The following GRID2 variants were observed in gnomAD, a reference collection of about 807,000 sequenced individuals.
GRID2 encodes the protein glutamate receptor ionotropic, delta-2.
Under a neutral mutation model 114.8 loss-of-function variants are expected in GRID2, and 33 were observed. That is an observed-to-expected ratio of 0.29 (90% CI 0.22 to 0.38). The LOEUF is 0.38. Ranked by LOEUF, GRID2 falls within the 10% of genes least tolerant of loss-of-function variation. The pLI is 1.00. For synonymous variants in GRID2, 505 were observed against 449.9 expected (o/e 1.12, Z -1.55); for missense variants, 1,184 against 1,257.7 (o/e 0.94, Z 0.89).
At chr4:92,608,269 A>G (rs1400600444) in intron 2 of GRID2, among the ~76,000 whole-genome samples, 1 of 151,848 alleles carries the variant, frequency 6.6e-6, no homozygotes, top group Non-Finnish European at 1.5e-5. Context: ...GGAAAGACTC[A>G]TGATTCAGCA....
At chr4:92,524,724 C>A (rs1256024234) in intron 1 of GRID2, among the ~76,000 whole-genome samples, 1 of 151,890 alleles carries the variant, frequency 6.6e-6, no homozygotes. Flanking sequence ...AGTCAGGTGA[C>A]AACAGGGGCT....
chr4:92,472,152 C>A (rs1414592526), intron 1 of GRID2, among the ~76,000 whole-genome samples: 1 of 63,170 alleles, frequency 1.6e-5, no homozygotes, highest in Admixed American at 1.2e-4. Context: ...CCGGGATGGT[C>A]TCGATCTCCT....
At chr4:93,583,963 T>A (rs549355117) in intron 13 of GRID2, among the ~76,000 whole-genome samples, 3 of 152,292 alleles carry the variant, frequency 2.0e-5, no homozygotes, top group Non-Finnish European at 2.9e-5. Flanking sequence ...CTATTGGATT[T>A]GGGAACCACA....
intron 1 of GRID2, among the ~76,000 whole-genome samples, chr4:92,572,793 T>TGTCAGATTTTG (rs1261502056): frequency 6.6e-6 from 1 of 152,090 alleles, no homozygotes; most frequent in Non-Finnish European, 1.5e-5. Context: ...CTTTTTTTCT[T>TGTCAGATTTTG]GTATCTGTCA....
intron 1 of GRID2, among the ~76,000 whole-genome samples, chr4:92,529,790 A>G (rs1725239133): frequency 6.6e-6 from 1 of 152,168 alleles, no homozygotes; most frequent in African/African-American, 2.4e-5. Context: ...GATGAATTGC[A>G]AGTAAAAGCT....
At position 93,624,658 on chromosome 4, in the gene GRID2, CT is replaced by C. The variant is rs532218663; in HGVS notation, c.2194-1607del. 2.1e-3 allele frequency among the ~76,000 whole-genome samples: 325 copies of C among 152,206 alleles called. 6 individuals are homozygous for C. The South Asian group carries it at 0.031, about 14-fold the overall frequency. On this transcript the variant is annotated intron_variant, in intron 13 of 15. Coordinates refer to ENST00000282020, the MANE Select transcript of GRID2 (RefSeq NM_001510.4). ...CATTTCTAATACTGAACCAATGTTG[CT>C]TTTCCTTGTTTAATAATGTTACATT...
chr4:92,790,341 A>G (rs1739522367), intron 2 of GRID2, among the ~76,000 whole-genome samples: 1 of 151,670 alleles, frequency 6.6e-6, no homozygotes. Flanking sequence ...TACAAATCTC[A>G]TATTTCTCAA....
chr4:93,651,860 C>A (rs1374442133), intron 14 of GRID2, among the ~76,000 whole-genome samples: 1 of 152,150 alleles, frequency 6.6e-6, no homozygotes, highest in Admixed American at 6.5e-5. Context: ...GAACTATACA[C>A]AACCCCAGCC....
intron 8 of GRID2, among the ~76,000 whole-genome samples, chr4:93,378,438 C>T (rs1355824320): frequency 1.3e-5 from 2 of 151,878 alleles, no homozygotes; most frequent in Non-Finnish European, 2.9e-5. Flanking sequence ...GTAAAGATTC[C>T]GTAATTGTTA....
At chr4:92,875,239 T>C (rs1475142397) in intron 2 of GRID2, among the ~76,000 whole-genome samples, 1 of 141,240 alleles carries the variant, frequency 7.1e-6, no homozygotes, top group Non-Finnish European at 1.5e-5. Flanking sequence ...CTCAGCCTAC[T>C]GCAACCTCTG....
In GRID2 at chr4:93,289,530, C is replaced by A. The variant is rs531105481; in HGVS notation, c.1245+51040C>A. 2.0e-5 allele frequency among the ~76,000 whole-genome samples: 3 copies of A among 152,212 alleles called. No individual in the cohort carries two copies. The South Asian group carries it at 6.2e-4, about 32-fold the overall frequency. On this transcript the variant is annotated intron_variant, in intron 8 of 15. Transcript: ENST00000282020. ...TTAGGTTTCCTCCAGTTCAGGCATA[C>A]ACACATATTGGTACTGGTAGGGATT...
At chr4:92,943,546 A>G (rs967025241) in intron 2 of GRID2, among the ~76,000 whole-genome samples, 5 of 151,926 alleles carry the variant, frequency 3.3e-5, no homozygotes, top group Non-Finnish European at 5.9e-5. Flanking sequence ...AGCTCGGAGT[A>G]GTTTGATCGT....
Position 93,774,398 on chromosome 4 carries a change from C to T in GRID2, c.*1900C>T, listed in dbSNP as rs565386795. 18 of 152,174 alleles carry T rather than the reference C, an allele frequency of 1.2e-4. No homozygotes were observed. The highest frequency in any genetic ancestry group is 2.4e-4 in the Non-Finnish European group (16 of 67,952). 9.4% of individuals were successfully genotyped at this position (152,174 alleles called of 1,614,324 possible). ...ATGTTGCAGTGATTTTAGCTATCAA[C>T]AAACTGTTAACCATGTACAATATTT... On this transcript the variant is annotated 3_prime_UTR_variant, in exon 16 of 16. Coordinates refer to ENST00000282020, the MANE Select transcript of GRID2 (RefSeq NM_001510.4).
chr4:93,063,230 AAG>A (rs1727963478), intron 2 of GRID2, among the ~76,000 whole-genome samples: 1 of 151,914 alleles, frequency 6.6e-6, no homozygotes, highest in South Asian at 2.1e-4. Context: ...CCTTAAATAA[AAG>A]AGATTGACAC....
chr4:92,440,250 AAG>A lies in GRID2; in HGVS notation c.88+135509_88+135510del, dbSNP rs1203502172. ...GGATATAAAGGTTTCACTGAATACT[AAG>A]AGCCTGAAAAACTGCTTGGCTGATT... On this transcript the variant is annotated intron_variant, in intron 1 of 15. Coordinates refer to ENST00000282020, the MANE Select transcript of GRID2 (RefSeq NM_001510.4). 4.8e-5 allele frequency among the ~76,000 whole-genome samples: 7 copies of A among 146,242 alleles called. 1 individual carries two copies. The highest frequency in any genetic ancestry group is 1.4e-4 in the Admixed American group (2 of 14,664).
At chr4:93,729,339 G>A (rs1730264246) in intron 14 of GRID2, among the ~76,000 whole-genome samples, 1 of 152,124 alleles carries the variant, frequency 6.6e-6, no homozygotes, top group Non-Finnish European at 1.5e-5. Context: ...AGACAAGACT[G>A]AAAAACCTCT....
At chr4:92,794,905 T>TATATATATATAC (rs745392261) in intron 2 of GRID2, among the ~76,000 whole-genome samples, 241 of 127,718 alleles carry the variant, frequency 1.9e-3, no homozygotes, top group African/African-American at 5.1e-3. Context: ...TATATATATA[T>TATATATATATAC]ACACACACAC....
chr4:93,714,809 C>T (rs57682803), intron 14 of GRID2, among the ~76,000 whole-genome samples: 1 of 152,090 alleles, frequency 6.6e-6, no homozygotes, highest in African/African-American at 2.4e-5. Flanking sequence ...TGTTTAAGTT[C>T]CTTGTAGACT....
At chr4:92,979,414 A>C (rs1754058633) in intron 2 of GRID2, among the ~76,000 whole-genome samples, 1 of 152,008 alleles carries the variant, frequency 6.6e-6, no homozygotes, top group African/African-American at 2.4e-5. Flanking sequence ...AGGACCTTAG[A>C]TGATTTAGGT....
Sources: allele counts gnomAD v4.1 joint callset (sites outside exome capture counted in the v4.1 genomes callset), GRCh38; gene constraint gnomAD v4.1.1; transcripts MANE v1.5; gene names NCBI Gene and HGNC (gene_info 2026-07-23, HGNC 2026-07-21).